Variants in ADARB2 observed in about 807,000 individuals in gnomAD.
The protein encoded by ADARB2 is adenosine deaminase RNA specific B2 (inactive).
In ADARB2, 25 loss-of-function variants were observed where a neutral mutation model predicts 62.2. That is an observed-to-expected ratio of 0.40 (90% CI 0.29 to 0.56). The LOEUF (loss-of-function observed/expected upper bound fraction) is 0.56. Among genes scored for constraint, ADARB2 ranks in the 20% least tolerant of loss-of-function variants. The probability of loss-of-function intolerance (pLI) is 0.43; values close to 1 mark genes in which losing one functional copy is unlikely to be tolerated. For synonymous variants in ADARB2, 572 were observed against 500.8 expected, an observed-to-expected ratio of 1.14 and a Z score of -1.90; for missense variants, 1,071 against 1,077.4, an observed-to-expected ratio of 0.99 and a Z score of 0.08.
At chr10:1,564,163 G>T (rs1832827134) in intron 1 of ADARB2, among the ~76,000 whole-genome samples, 1 of 152,140 alleles carries the variant, frequency 6.6e-6, no homozygotes, top group Admixed American at 6.5e-5. Context: ...GGATGGCTGG[G>T]TCAAATGGTA....
intron 1 of ADARB2, among the ~76,000 whole-genome samples, chr10:1,445,433 G>A (rs995839366): frequency 3.0e-5 from 4 of 131,208 alleles, no homozygotes; most frequent in East Asian, 4.8e-4. Flanking sequence ...ATCTATCCAC[G>A]CATCTATCCA....
chr10:1,639,283 G>T (rs1833950997), intron 1 of ADARB2, among the ~76,000 whole-genome samples: 1 of 152,234 alleles, frequency 6.6e-6, no homozygotes, highest in Admixed American at 6.5e-5. Flanking sequence ...TGACTGCATG[G>T]TTCTTCCTAG....
At chr10:1,458,431 C>T (rs2131906516) in intron 1 of ADARB2, among the ~76,000 whole-genome samples, 1 of 152,202 alleles carries the variant, frequency 6.6e-6, no homozygotes, top group Admixed American at 6.5e-5. Flanking sequence ...AGCTTCTTTG[C>T]ATTTTAATAT....
chr10:1,496,150 CATT>C (rs1279256509), intron 1 of ADARB2, among the ~76,000 whole-genome samples: 1 of 151,546 alleles, frequency 6.6e-6, no homozygotes, highest in African/African-American at 2.4e-5. Flanking sequence ...TAATCACCAT[CATT>C]ATTAACATAA....
chr10:1,583,621 A>G (rs1287565174), intron 1 of ADARB2, among the ~76,000 whole-genome samples: 1 of 152,234 alleles, frequency 6.6e-6, no homozygotes, highest in Non-Finnish European at 1.5e-5. Flanking sequence ...ATGTTCATGG[A>G]TAGGAAGACT....
At chr10:1,650,291 C>CTT (rs1478127155) in intron 1 of ADARB2, among the ~76,000 whole-genome samples, 1 of 152,132 alleles carries the variant, frequency 6.6e-6, no homozygotes. Flanking sequence ...GTTGATGTCA[C>CTT]TTAAAGGAGA....
chr10:1,399,709 T>A, intron 1 of ADARB2, among the ~76,000 whole-genome samples: 1 of 152,156 alleles, frequency 6.6e-6, no homozygotes, highest in East Asian at 1.9e-4. Context: ...GTAATATTAT[T>A]TGAAGGATGT....
At chr10:1,693,012 C>G (rs1001096229) in intron 1 of ADARB2, among the ~76,000 whole-genome samples, 3 of 152,134 alleles carry the variant, frequency 2.0e-5, no homozygotes, top group African/African-American at 4.8e-5. Context: ...AGTCCTGAAG[C>G]CTGGAGTTTT....
intron 1 of ADARB2, among the ~76,000 whole-genome samples, chr10:1,547,700 G>A (rs7084358): frequency 0.049 from 4,992 of 102,212 alleles, 519 homozygotes; most frequent in African/African-American, 0.17. Context: ...GGCTGCACTG[G>A]CGTATGCACT....
At chr10:1,482,103 G>A (rs753213242) in intron 1 of ADARB2, among the ~76,000 whole-genome samples, 1 of 152,184 alleles carries the variant, frequency 6.6e-6, no homozygotes, top group Non-Finnish European at 1.5e-5. Context: ...TGTAATTATT[G>A]GTGAGAATGT....
At chr10:1,448,458 G>T (rs976704565) in intron 1 of ADARB2, among the ~76,000 whole-genome samples, 1 of 152,202 alleles carries the variant, frequency 6.6e-6, no homozygotes, top group Non-Finnish European at 1.5e-5. Context: ...GCATAGAGCT[G>T]CTGCCCAAAT....
chr10:1,437,746 G>A lies in ADARB2; in HGVS notation c.101-58586C>T, dbSNP rs145081262. 7.2e-4 allele frequency among the ~76,000 whole-genome samples: 110 copies of A among 151,860 alleles called. 1 individual carries two copies. Among genetic ancestry groups the A allele is most frequent in the Middle Eastern group, 3.4e-3 (1 of 294 alleles). The stretch of plus-strand genomic sequence containing the variant: ...GATAGCGGGTCCTGTGGGGAAGGAA[G>A]CCAGCATTTCAGGCTGGAGCGAAGC... On this transcript the variant is annotated intron_variant, in intron 1 of 9. Coordinates refer to ENST00000381312, the MANE Select transcript of ADARB2 (RefSeq NM_018702.4).
At chr10:1,289,413 T>C (rs903491565) in intron 3 of ADARB2, among the ~76,000 whole-genome samples, 1 of 152,140 alleles carries the variant, frequency 6.6e-6, no homozygotes, top group African/African-American at 2.4e-5. Context: ...AAATAAACTT[T>C]CTAAATTGGT....
intron 1 of ADARB2, among the ~76,000 whole-genome samples, chr10:1,396,572 C>T (rs111441309): frequency 1.3e-3 from 200 of 151,780 alleles, no homozygotes; most frequent in African/African-American, 4.7e-3. Flanking sequence ...TAACCGCCCG[C>T]CTCTCCCCTC....
intron 3 of ADARB2, among the ~76,000 whole-genome samples, chr10:1,356,493 A>C (rs1427225525): frequency 3.9e-5 from 6 of 152,136 alleles, no homozygotes; most frequent in African/African-American, 1.4e-4. Context: ...CATTACCAGG[A>C]CCCAGAACCT....
chr10:1,213,501 AC>A (rs1453056893), intron 7 of ADARB2, among the ~76,000 whole-genome samples: 32 of 152,088 alleles, frequency 2.1e-4, no homozygotes, highest in Non-Finnish European at 4.0e-4. Context: ...ACACCTGGGC[AC>A]CCCCCTGTCC....
At chr10:1,394,724 G>A (rs1832596836) in intron 1 of ADARB2, among the ~76,000 whole-genome samples, 1 of 152,178 alleles carries the variant, frequency 6.6e-6, no homozygotes, top group Non-Finnish European at 1.5e-5. Flanking sequence ...TGGGGCCTGA[G>A]GAACGTCAAA....
intron 1 of ADARB2, among the ~76,000 whole-genome samples, chr10:1,391,250 A>T (rs1832567809): frequency 6.7e-6 from 1 of 149,054 alleles, no homozygotes; most frequent in African/African-American, 2.5e-5. Flanking sequence ...CCAATAGGCG[A>T]TGTCTGGGAA....
At chr10:1,283,385 G>A (rs1039142583) in intron 3 of ADARB2, among the ~76,000 whole-genome samples, 1 of 152,158 alleles carries the variant, frequency 6.6e-6, no homozygotes, top group Non-Finnish European at 1.5e-5. Context: ...ATAATTAAGG[G>A]GCTGCAATGA....
Sources: gnomAD v4.1 joint callset for allele counts (sites outside exome capture counted in the v4.1 genomes callset) on GRCh38, gnomAD v4.1.1 for gene constraint, MANE v1.5 for transcripts, NCBI Gene and HGNC (gene_info 2026-07-23, HGNC 2026-07-21) for gene names.